Variants in ZNF704 observed in about 807,000 individuals in gnomAD.
The protein encoded by ZNF704 is zinc finger protein 704, also known as glucocorticoid induced gene 1.
Under a neutral mutation model 44.7 loss-of-function variants are expected in ZNF704, and 10 were observed. The ratio of observed to expected loss-of-function variants is 0.22; its 90% CI spans 0.14 to 0.38. ZNF704 has a LOEUF of 0.38. Ranked by LOEUF, ZNF704 falls within the 10% of genes least tolerant of loss-of-function variation. The pLI is 1.00. For missense variants in ZNF704, 390 were observed against 545.5 expected, an observed-to-expected ratio of 0.71 and a Z score of 2.84; for synonymous variants, 211 against 207.6, an observed-to-expected ratio of 1.02 and a Z score of -0.14.
intron 1 of ZNF704, among the ~76,000 whole-genome samples, chr8:80,834,638 G>C (rs929990197): frequency 6.6e-6 from 1 of 152,128 alleles, no homozygotes; most frequent in Non-Finnish European, 1.5e-5. Context: ...TAGGTTTTAA[G>C]CCCTGCATGT....
chr8:80,781,920 G>A (rs1197605227), intron 2 of ZNF704, among the ~76,000 whole-genome samples: 2 of 152,188 alleles, frequency 1.3e-5, no homozygotes, highest in Non-Finnish European at 2.9e-5. Context: ...GAGAATGATG[G>A]AGATAGTCTC....
chr8:80,657,303 G>C (rs1189757215), intron 7 of ZNF704, among the ~76,000 whole-genome samples: 2 of 152,140 alleles, frequency 1.3e-5, no homozygotes, highest in Non-Finnish European at 1.5e-5. Flanking sequence ...TCTTTAAATA[G>C]GAATGGCAAG....
intron 2 of ZNF704, among the ~76,000 whole-genome samples, chr8:80,809,484 C>G (rs899345216): frequency 6.6e-6 from 1 of 152,158 alleles, no homozygotes; most frequent in African/African-American, 2.4e-5. Flanking sequence ...AAGCAGAGTT[C>G]GTGAGCTTCC....
chr8:80,807,355 A>G, intron 2 of ZNF704, among the ~76,000 whole-genome samples: 1 of 152,116 alleles, frequency 6.6e-6, no homozygotes, highest in Non-Finnish European at 1.5e-5. Flanking sequence ...GTGAGGCAGG[A>G]AGCCCCCAGC....
chr8:80,699,539 A>G (rs187723821), intron 2 of ZNF704, among the ~76,000 whole-genome samples: 1 of 152,340 alleles, frequency 6.6e-6, no homozygotes, highest in Admixed American at 6.5e-5. Flanking sequence ...ATCTGAAGCC[A>G]TCTGTGGTGA....
intron 2 of ZNF704, among the ~76,000 whole-genome samples, chr8:80,794,912 T>G (rs1438850068): frequency 2.0e-5 from 3 of 152,344 alleles, no homozygotes; most frequent in East Asian, 1.9e-4. Flanking sequence ...AACTTTTTCA[T>G]GTACATGTTT....
chr8:80,781,402 T>C (rs1367869114), intron 2 of ZNF704, among the ~76,000 whole-genome samples: 1 of 152,230 alleles, frequency 6.6e-6, no homozygotes, highest in African/African-American at 2.4e-5. Context: ...CTGTGTTCAA[T>C]ATTTTATTTA....
chr8:80,687,752 A>G (rs1818564426), intron 3 of ZNF704, among the ~76,000 whole-genome samples: 1 of 152,130 alleles, frequency 6.6e-6, no homozygotes, highest in Non-Finnish European at 1.5e-5. Context: ...TGGGGATTAT[A>G]TGAAAAAAAA....
At chr8:80,883,213 T>TCCAA in the ZNF704 span, among the ~76,000 whole-genome samples, 1 of 128,628 alleles carries the variant, frequency 7.8e-6, no homozygotes, top group Admixed American at 9.3e-5. Flanking sequence ...GCCACTGCAC[T>TCCAA]CCAACCTGGG....
At chr8:80,751,332 T>C (rs1474577914) in intron 2 of ZNF704, among the ~76,000 whole-genome samples, 1 of 152,120 alleles carries the variant, frequency 6.6e-6, no homozygotes, top group East Asian at 1.9e-4. Flanking sequence ...GGAAGAGAAA[T>C]AGACTGGATC....
intron 5 of ZNF704, among the ~76,000 whole-genome samples, chr8:80,665,436 C>A (rs912193431): frequency 6.6e-6 from 1 of 152,008 alleles, no homozygotes; most frequent in Non-Finnish European, 1.5e-5. Context: ...AGACAAGAAA[C>A]CCCTAAAGAA....
intron 2 of ZNF704, among the ~76,000 whole-genome samples, chr8:80,724,653 G>C (rs1392194299): frequency 4.6e-5 from 7 of 152,002 alleles, no homozygotes; most frequent in Non-Finnish European, 1.0e-4. Flanking sequence ...GTCAGGCTTC[G>C]TTCCCCTTCT....
At chr8:80,797,298 G>A (rs1041426402) in intron 2 of ZNF704, among the ~76,000 whole-genome samples, 9 of 152,254 alleles carry the variant, frequency 5.9e-5, no homozygotes, top group African/African-American at 2.2e-4. Context: ...GCAATGCCCT[G>A]GTAGGAACTC....
At chr8:80,661,876 A>G (rs573339820) in intron 6 of ZNF704, among the ~76,000 whole-genome samples, 2 of 152,316 alleles carry the variant, frequency 1.3e-5, no homozygotes, top group Non-Finnish European at 2.9e-5. Context: ...AATGTTTGAT[A>G]GCAGAGTAGG....
intron 2 of ZNF704, among the ~76,000 whole-genome samples, chr8:80,758,483 C>T (rs77342066): frequency 0.059 from 8,951 of 152,008 alleles, 290 homozygotes; most frequent in Non-Finnish European, 0.074. Flanking sequence ...TGAAAAAAAC[C>T]AACAATGGTT....
intron 4 of ZNF704, among the ~76,000 whole-genome samples, 163 bp downstream of exon 4, chr8:80,687,063 C>A (rs1010988724): frequency 7.2e-5 from 11 of 152,148 alleles, no homozygotes; most frequent in African/African-American, 2.4e-4. Context: ...ATCACCATAA[C>A]AATTTCTATT....
chr8:80,830,078 C>CAA (rs34988192), intron 1 of ZNF704, among the ~76,000 whole-genome samples: 1 of 149,730 alleles, frequency 6.7e-6, no homozygotes, highest in African/African-American at 2.5e-5. Context: ...TTAAGACACA[C>CAA]AAAAAAAACA....
At chr8:80,721,262 GGT>G (rs1455160003) in intron 2 of ZNF704, among the ~76,000 whole-genome samples, 1 of 152,002 alleles carries the variant, frequency 6.6e-6, no homozygotes, top group East Asian at 1.9e-4. Context: ...GGAATGATGT[GGT>G]AACTTTAAGG....
chr8:80,724,216 G>A (rs1256907799), intron 2 of ZNF704, among the ~76,000 whole-genome samples: 1 of 152,178 alleles, frequency 6.6e-6, no homozygotes, highest in Non-Finnish European at 1.5e-5. Context: ...AAATTCTGAT[G>A]AAATATGTAG....
Sources: allele counts gnomAD v4.1 joint callset (sites outside exome capture counted in the v4.1 genomes callset), GRCh38; gene constraint gnomAD v4.1.1; transcripts MANE v1.5; gene names NCBI Gene and HGNC (gene_info 2026-07-23, HGNC 2026-07-21).